The following PLXDC2 variants were observed in gnomAD, a reference collection of about 807,000 sequenced individuals.
PLXDC2 encodes plexin domain-containing protein 2.
PLXDC2 carries 40 observed loss-of-function variants against 68.9 expected under a neutral mutation model. The observed-to-expected ratio is 0.58, with a 90% CI of 0.45 to 0.76. The LOEUF (loss-of-function observed/expected upper bound fraction) is 0.76, where lower values mean the gene tolerates loss of function less well. Among genes scored for constraint, PLXDC2 ranks in the 30% least tolerant of loss-of-function variants. The pLI is 0.00. For missense variants in PLXDC2, 644 were observed against 661.9 expected (o/e 0.97, Z 0.30); for synonymous variants, 243 against 234.2 (o/e 1.04, Z -0.34).
intron 4 of PLXDC2, among the ~76,000 whole-genome samples, chr10:20,083,433 C>T (rs1477996105): frequency 1.3e-5 from 2 of 149,782 alleles, no homozygotes; most frequent in South Asian, 4.2e-4. Flanking sequence ...GCCGAGATCG[C>T]GCCACTGCAC....
chr10:20,124,348 G>A (rs1295342560), intron 4 of PLXDC2, among the ~76,000 whole-genome samples: 1 of 152,172 alleles, frequency 6.6e-6, no homozygotes, highest in Non-Finnish European at 1.5e-5. Flanking sequence ...GAGGGACAGT[G>A]AGAGAGGTTG....
At chr10:20,193,386 G>T (rs1290284016) in intron 9 of PLXDC2, among the ~76,000 whole-genome samples, 1 of 152,020 alleles carries the variant, frequency 6.6e-6, no homozygotes, top group Non-Finnish European at 1.5e-5. Context: ...GCAGTTTAAT[G>T]GTGTAAACAG....
At chr10:19,858,655 G>T (rs1487195307) in intron 1 of PLXDC2, among the ~76,000 whole-genome samples, 4 of 152,170 alleles carry the variant, frequency 2.6e-5, no homozygotes, top group Non-Finnish European at 5.9e-5. Context: ...GGTGCAAGGT[G>T]CAGGGGAGAG....
chr10:20,007,686 A>C (rs1179184112), intron 2 of PLXDC2, among the ~76,000 whole-genome samples: 3 of 152,230 alleles, frequency 2.0e-5, no homozygotes, highest in Admixed American at 6.5e-5. Context: ...ATCTGGTTAA[A>C]ATGCATATTC....
At chr10:19,899,987 C>T (rs1465878868) in intron 1 of PLXDC2, among the ~76,000 whole-genome samples, 1 of 152,178 alleles carries the variant, frequency 6.6e-6, no homozygotes, top group African/African-American at 2.4e-5. Context: ...CAAGATACAT[C>T]ACAAATGAGA....
chr10:20,118,271 A>C (rs1422437982), intron 4 of PLXDC2, among the ~76,000 whole-genome samples: 3 of 152,188 alleles, frequency 2.0e-5, no homozygotes, highest in Non-Finnish European at 2.9e-5. Context: ...TTGGAAGTAC[A>C]AAGAGTGAAT....
At chr10:19,913,215 G>A (rs180724646) in intron 1 of PLXDC2, among the ~76,000 whole-genome samples, 33 of 152,190 alleles carry the variant, frequency 2.2e-4, no homozygotes, top group African/African-American at 6.7e-4. Context: ...TGATTGGATC[G>A]TGGGGGTGGA....
intron 1 of PLXDC2, among the ~76,000 whole-genome samples, chr10:19,877,609 C>A (rs755861815): frequency 3.9e-5 from 6 of 152,192 alleles, no homozygotes; most frequent in South Asian, 2.1e-4. Context: ...ATAACCCAGC[C>A]TCAAGTATGT....
intron 1 of PLXDC2, among the ~76,000 whole-genome samples, chr10:19,915,773 G>A (rs1385582499): frequency 6.6e-6 from 1 of 151,822 alleles, no homozygotes; most frequent in Admixed American, 6.6e-5. Flanking sequence ...ATAAGAGGGT[G>A]GACTAAGGCA....
chr10:20,143,461 A>G, intron 5 of PLXDC2, 44 bp downstream of exon 5: 2 of 1,605,588 alleles, frequency 1.2e-6, no homozygotes, highest in Non-Finnish European at 1.7e-6. Context: ...TATATTTTTA[A>G]ACCTCAAGCA....
At chr10:20,242,921 G>A (rs748010744) in intron 12 of PLXDC2, among the ~76,000 whole-genome samples, 3 of 151,946 alleles carry the variant, frequency 2.0e-5, no homozygotes, top group East Asian at 1.9e-4. Flanking sequence ...CATGTTGGCC[G>A]GGCTGGTCTC....
intron 1 of PLXDC2, among the ~76,000 whole-genome samples, chr10:19,947,684 CT>C (rs1409457648): frequency 6.7e-6 from 1 of 148,464 alleles, no homozygotes; most frequent in Non-Finnish European, 1.5e-5. Flanking sequence ...CTTTCTCTCT[CT>C]CCTTTTTTCT....
intron 1 of PLXDC2, among the ~76,000 whole-genome samples, chr10:19,958,311 A>G (rs2131600569): frequency 6.6e-6 from 1 of 152,248 alleles, no homozygotes; most frequent in South Asian, 2.1e-4. Flanking sequence ...CACCTGTCTC[A>G]TGCTATTGTG....
At chr10:20,228,350 C>T (rs1835313536) in intron 12 of PLXDC2, among the ~76,000 whole-genome samples, 1 of 151,952 alleles carries the variant, frequency 6.6e-6, no homozygotes. Flanking sequence ...CACCTGAGCC[C>T]AGGAGCTTGA....
intron 2 of PLXDC2, among the ~76,000 whole-genome samples, chr10:20,044,227 T>TCC (rs1835747715): frequency 4.0e-5 from 2 of 50,170 alleles, no homozygotes; most frequent in Non-Finnish European, 7.0e-5. Flanking sequence ...CTTTCTTTCT[T>TCC]TCTTTCTTTC....
intron 1 of PLXDC2, among the ~76,000 whole-genome samples, chr10:19,962,384 CTTTTTTTTTTTT>C (rs562410398): frequency 3.6e-5 from 1 of 27,744 alleles, no homozygotes; most frequent in Non-Finnish European, 5.9e-5. Context: ...CCCATCTTTA[CTTTTTTTTTTTT>C]TTTTTTTTTT....
chr10:20,139,547 G>A lies in PLXDC2; in HGVS notation c.542-3748G>A, dbSNP rs886247661. 4.6e-5 allele frequency among the ~76,000 whole-genome samples: 7 copies of A among 152,036 alleles called. No individual in the cohort carries two copies. In the East Asian group the frequency reaches 5.8e-4, roughly 13 times the overall value. On this transcript the variant is annotated intron_variant, in intron 4 of 13. Coordinates refer to ENST00000377252, the MANE Select transcript of PLXDC2 (RefSeq NM_032812.9). ...ATAAATCATTCTACTATAAAGACAC[G>A]TGCACACATATGTTTATTGCAGCAC...
chr10:20,257,797 A>AT (rs1259220530), intron 13 of PLXDC2, among the ~76,000 whole-genome samples: 2 of 152,014 alleles, frequency 1.3e-5, no homozygotes, highest in Non-Finnish European at 2.9e-5. Flanking sequence ...CTTTTCACAA[A>AT]TTTCTTTTTT....
intron 1 of PLXDC2, among the ~76,000 whole-genome samples, chr10:19,941,900 A>T (rs1833825239): frequency 6.6e-6 from 1 of 151,066 alleles, no homozygotes; most frequent in East Asian, 1.9e-4. Context: ...AATTTTTTTC[A>T]TAAGATGAGG....
Sources: allele counts gnomAD v4.1 joint callset (sites outside exome capture counted in the v4.1 genomes callset), GRCh38; gene constraint gnomAD v4.1.1; transcripts MANE v1.5; gene names NCBI Gene and HGNC (gene_info 2026-07-23, HGNC 2026-07-21).